VDAC2: variants seen among roughly 807,000 people sequenced by gnomAD.
The protein encoded by VDAC2 is non-selective voltage-gated ion channel VDAC2.
In VDAC2, 6 loss-of-function variants were observed where a neutral mutation model predicts 36.6. The ratio of observed to expected loss-of-function variants is 0.16; its 90% CI spans 0.09 to 0.32. VDAC2 has a LOEUF of 0.32. Ranked by LOEUF, VDAC2 falls within the 10% of genes least tolerant of loss-of-function variation. The probability of loss-of-function intolerance (pLI) is 1.00; values close to 1 mark genes in which losing one functional copy is unlikely to be tolerated. For synonymous variants in VDAC2, 109 were observed against 123.8 expected, an observed-to-expected ratio of 0.88 and a Z score of 0.79; for missense variants, 247 against 346.0, an observed-to-expected ratio of 0.71 and a Z score of 2.27.
In VDAC2 at chr10:75,226,586, C is replaced by T. The variant is rs140294528; in HGVS notation, c.736-3058C>T. On this transcript the variant is annotated intron_variant, in intron 8 of 9. Coordinates refer to ENST00000332211, the MANE Select transcript of VDAC2 (RefSeq NM_001391963.1). ...CAAGCAGTTCTCGTGCCTCAGCCTA[C>T]TTAGTAGCTGGGTTTGGAGGTGCCT... Among the ~76,000 whole-genome samples the T allele has an allele frequency of 9.2e-3, 1,395 of 150,874 alleles. 30 individuals carry two copies. Among genetic ancestry groups the T allele is most frequent in the African/African-American group, 0.032 (1,326 of 41,126 alleles).
rs560264781 is a variant in VDAC2 at position 75,223,075 on chromosome 10, G to C, written c.735+673G>C. On this transcript the variant is annotated intron_variant, in intron 8 of 9. Transcript: ENST00000332211. ...GGCTCACTGCAACCTCCGCCTCCTG[G>C]GTTCAAGCAGCTCTTCTGCCTCAGC... Among the ~76,000 whole-genome samples the C allele has an allele frequency of 2.0e-5, 3 of 151,856 alleles. No homozygotes were observed. In the South Asian group the frequency reaches 6.3e-4, roughly 32 times the overall value.
chr10:75,223,685 A>G (rs1247988632), intron 8 of VDAC2, among the ~76,000 whole-genome samples: 1 of 152,212 alleles, frequency 6.6e-6, no homozygotes, highest in Non-Finnish European at 1.5e-5. Flanking sequence ...TTGTATGCTA[A>G]TGAGTTTTGA....
At chr10:75,211,761 T>C (rs752615411) in intron 2 of VDAC2, 17 of 1,400,062 alleles carry the variant, frequency 1.2e-5, no homozygotes, top group African/African-American at 1.4e-5. Context: ...TTCCCAGTAT[T>C]AAATTCTCTT....
chr10:75,213,912 C>T, intron 3 of VDAC2, 109 bp from the exon 4 acceptor site: 2 of 1,031,706 alleles, frequency 1.9e-6, no homozygotes, highest in South Asian at 1.4e-5. Context: ...CATTTTTATC[C>T]ACCTCTGAAT....
Position 75,222,402 on chromosome 10 carries a change from T to C in VDAC2, c.735T>C (p.Ser245=). ...AGTTGGATCCCACTGCTTCCATTTC[T>C]GTGAGTACTTTTGTGGACTTAGAAT... ...KYQLDPTASI[S]AKVNNSSLIG... The change falls in exon 8 of 10, where the codon TCT becomes TCC. Residue 245 remains serine (S), a splice_region_variant and synonymous_variant. Coordinates refer to ENST00000332211, the MANE Select transcript of VDAC2 (RefSeq NM_001391963.1). The C allele has an allele frequency of 6.2e-7, 1 of 1,614,060 alleles. No individual in the cohort carries two copies. The highest frequency in any genetic ancestry group is 1.1e-5 in the South Asian group (1 of 91,032).
chr10:75,219,828 T>A (rs1415361411), intron 6 of VDAC2, among the ~76,000 whole-genome samples: 1 of 149,150 alleles, frequency 6.7e-6, no homozygotes, highest in Non-Finnish European at 1.5e-5. Flanking sequence ...TTTATTTTAT[T>A]TTATTTTATT....
chr10:75,219,734 C>T (rs1002322705), intron 6 of VDAC2, among the ~76,000 whole-genome samples: 18 of 150,700 alleles, frequency 1.2e-4, no homozygotes, highest in African/African-American at 3.6e-4. Context: ...ATCTGCCCAC[C>T]TTGGCCTCCC....
Position 75,222,323 on chromosome 10 carries a change from T to C in VDAC2, c.656T>C (p.Leu219Pro). ...VCEDLDTSVNLAWTSGTNCTR... is the reference protein window; with the variant it reads ...VCEDLDTSVNPAWTSGTNCTR... ...GAAGATCTTGACACTTCAGTAAACCTTGCTTGGACATCAGGTACCAACTGC... is the reference window on the plus strand; with the variant it reads ...GAAGATCTTGACACTTCAGTAAACCCTGCTTGGACATCAGGTACCAACTGC... Residue 219 changes from leucine to proline, a missense_variant, in exon 8 of 10, where the codon CTT (leucine) becomes CCT (proline). Transcript: ENST00000332211. The C allele has an allele frequency of 6.2e-7, 1 of 1,614,188 alleles. No individual in the cohort carries two copies. Among genetic ancestry groups the C allele is most frequent in the South Asian group, 1.1e-5 (1 of 91,082 alleles).
intron 2 of VDAC2, chr10:75,211,621 A>C: frequency 6.4e-7 from 1 of 1,550,634 alleles, no homozygotes. Context: ...CCTGCCCTTA[A>C]GCAGCACAGC....
chr10:75,226,038 C>T (rs910036434), intron 8 of VDAC2, among the ~76,000 whole-genome samples: 3 of 152,066 alleles, frequency 2.0e-5, no homozygotes, highest in African/African-American at 7.2e-5. Flanking sequence ...GGTAATCCGC[C>T]CGCCTCAGCC....
At chr10:75,214,530 A>AT (rs1010525549) in intron 4 of VDAC2, among the ~76,000 whole-genome samples, 138 of 147,972 alleles carry the variant, frequency 9.3e-4, no homozygotes, top group African/African-American at 1.5e-3. Flanking sequence ...CCTGATCTGA[A>AT]TTTTTTTTTT....
At chr10:75,214,115 T>C in intron 4 of VDAC2, 45 bp downstream of exon 4, 1 of 1,592,224 alleles carries the variant, frequency 6.3e-7, no homozygotes, top group Non-Finnish European at 8.6e-7. Flanking sequence ...TTTATAATTT[T>C]TCAACTTGTA....
chr10:75,211,647 G>C (rs1416116603), intron 2 of VDAC2: 4 of 1,550,608 alleles, frequency 2.6e-6, no homozygotes, highest in Non-Finnish European at 3.5e-6. Flanking sequence ...CCGAGGACTT[G>C]AGAGTCACAT....
chr10:75,211,244 G>T, intron 2 of VDAC2, 55 bp downstream of exon 2: 2 of 1,596,254 alleles, frequency 1.3e-6, no homozygotes, highest in South Asian at 1.1e-5. Context: ...GAAGCCTGTC[G>T]ACCAGAAACC....
intron 2 of VDAC2, chr10:75,211,578 G>T (rs894813742): frequency 6.4e-7 from 1 of 1,550,498 alleles, no homozygotes; most frequent in East Asian, 2.4e-5. Flanking sequence ...GTGCTTTGTG[G>T]AATGAATGAG....
intron 3 of VDAC2, among the ~76,000 whole-genome samples, chr10:75,212,609 G>A (rs1251982300): frequency 1.3e-5 from 2 of 152,054 alleles, no homozygotes; most frequent in African/African-American, 2.4e-5. Context: ...TCGTAGAGGT[G>A]GGGTCTCACT....
rs535264385 is a variant in VDAC2 at position 75,211,333 on chromosome 10, C to T, written c.31+144C>T. ...GGTCGCCCCACCGTCTGACCACCTCCTCTGCGGAGGAGGGGCTGGGCTGCT... is the reference window on the plus strand; with the variant it reads ...GGTCGCCCCACCGTCTGACCACCTCTTCTGCGGAGGAGGGGCTGGGCTGCT... On this transcript the variant is annotated intron_variant, in intron 2 of 9. Transcript: ENST00000332211. 535 of 1,401,970 alleles carry T rather than the reference C, an allele frequency of 3.8e-4. 1 individual carries two copies. The Middle Eastern group carries it at 4.2e-3, about 11-fold the overall frequency. The allele number at this position is 1,401,970 out of a possible 1,614,324, so 86.8% of individuals were successfully genotyped here.
chr10:75,210,972 G>A, intron 1 of VDAC2, 34 bp downstream of exon 1: 1 of 578,102 alleles, frequency 1.7e-6, no homozygotes. Flanking sequence ...CGACCCAGGG[G>A]CCTAGGCCGC....
In VDAC2 at chr10:75,214,060, G is replaced by C. The variant is rs774759696; in HGVS notation, c.140G>C (p.Cys47Ser). ...AAACTGGATGTGAAAACAAAGTCTT[G>C]CAGTGGCGTGGTGAGTGTTACTGTT... ...LVKLDVKTKS[C>S]SGVEFSTSGS... Residue 47 changes from cysteine to serine, a missense_variant, in exon 4 of 10, where the codon TGC becomes TCC. This residue lies in a region of VDAC2 where 76 missense variants were observed against 76.9 expected (regional missense o/e 0.99). Transcript: ENST00000332211. The C allele has an allele frequency of 1.9e-6, 3 of 1,613,134 alleles. No homozygotes were observed. In the Admixed American group the frequency reaches 5.0e-5, roughly 27 times the overall value.
Sources: allele counts gnomAD v4.1 joint callset (sites outside exome capture counted in the v4.1 genomes callset), GRCh38; gene constraint gnomAD v4.1.1; regional missense constraint gnomAD v4.1.1; transcripts MANE v1.5; gene names NCBI Gene and HGNC (gene_info 2026-07-23, HGNC 2026-07-21).